ADAMTSL1: variants seen among roughly 807,000 people sequenced by gnomAD.
ADAMTSL1 encodes ADAMTS like 1.
A neutral mutation model predicts 201.8 loss-of-function variants in ADAMTSL1; 126 were observed. The observed-to-expected ratio is 0.62, with a 90% confidence interval of 0.54 to 0.72. The LOEUF is 0.72. Ranked by LOEUF, ADAMTSL1 falls within the 30% of genes least tolerant of loss-of-function variation. The pLI is 0.00. For synonymous variants in ADAMTSL1, 1,121 were observed against 903.4 expected (o/e 1.24, Z -4.32); for missense variants, 2,679 against 2,277.8 (o/e 1.18, Z -3.59).
chr9:18,245,294 T>G (rs975990048), intron 2 of ADAMTSL1, among the ~76,000 whole-genome samples: 24 of 152,312 alleles, frequency 1.6e-4, no homozygotes, highest in African/African-American at 5.8e-4. Context: ...TAAAATATTG[T>G]TTTGACGTTC....
chr9:18,770,913 C>T (rs978510745), intron 17 of ADAMTSL1, 132 bp downstream of exon 17: 4 of 1,003,410 alleles, frequency 4.0e-6, no homozygotes, highest in African/African-American at 3.3e-5. Context: ...TTTTTGTAAC[C>T]ATATATACCG....
intron 26 of ADAMTSL1, 147 bp downstream of exon 26, chr9:18,892,743 C>T (rs1359389663): frequency 1.9e-5 from 16 of 841,576 alleles, no homozygotes; most frequent in Non-Finnish European, 2.7e-5. Flanking sequence ...GGTTGTCCAG[C>T]TGAGACACCC....
Position 18,532,523 on chromosome 9 carries a change from A to G in ADAMTSL1, c.192-724A>G, listed in dbSNP as rs529028501. 2.6e-5 allele frequency among the ~76,000 whole-genome samples: 4 copies of G among 152,272 alleles called. 1 individual carries two copies. In the South Asian group the frequency reaches 6.2e-4, roughly 24 times the overall value. Reference sequence around the variant, plus strand: ...TACATCAGTTGATAGAATATTATGTAGCTCTCAAAATGGTGTTTTTAAAGT... The same window carrying G: ...TACATCAGTTGATAGAATATTATGTGGCTCTCAAAATGGTGTTTTTAAAGT... On this transcript the variant is annotated intron_variant, in intron 2 of 28. Transcript: ENST00000380548.
intron 1 of ADAMTSL1, among the ~76,000 whole-genome samples, chr9:18,093,348 A>G (rs974473307): frequency 6.6e-6 from 1 of 152,238 alleles, no homozygotes; most frequent in Non-Finnish European, 1.5e-5. Flanking sequence ...GTTGACTAGC[A>G]GATACCTAAT....
At chr9:18,064,889 T>C (rs1232542255) in intron 1 of ADAMTSL1, among the ~76,000 whole-genome samples, 2 of 151,150 alleles carry the variant, frequency 1.3e-5, no homozygotes, top group East Asian at 3.9e-4. Flanking sequence ...TAAAGTTTGG[T>C]TGTCTATTAT....
At chr9:18,593,996 T>G (rs1042609551) in intron 4 of ADAMTSL1, among the ~76,000 whole-genome samples, 84 of 152,258 alleles carry the variant, frequency 5.5e-4, no homozygotes, top group Admixed American at 7.8e-4. Context: ...TGTAGATGGT[T>G]TTGTTTGGTA....
chr9:18,244,863 G>A (rs1004566802), intron 2 of ADAMTSL1, among the ~76,000 whole-genome samples: 1 of 152,048 alleles, frequency 6.6e-6, no homozygotes, highest in Non-Finnish European at 1.5e-5. Flanking sequence ...CTCATTATGG[G>A]CAGGAACTAC....
chr9:18,072,413 A>C (rs1018708356), intron 1 of ADAMTSL1, among the ~76,000 whole-genome samples: 2 of 152,172 alleles, frequency 1.3e-5, no homozygotes, highest in African/African-American at 4.8e-5. Context: ...ATTTGCCTGC[A>C]TCTTGTAGAG....
chr9:18,754,134 C>A (rs1243536969), intron 16 of ADAMTSL1, among the ~76,000 whole-genome samples: 1 of 152,054 alleles, frequency 6.6e-6, no homozygotes, highest in African/African-American at 2.4e-5. Flanking sequence ...TTTTACGTAC[C>A]GTCTATGGCT....
At chr9:18,675,699 GGC>G (rs1180145984) in intron 9 of ADAMTSL1, among the ~76,000 whole-genome samples, 156 bp from the exon 10 acceptor site, 1 of 151,844 alleles carries the variant, frequency 6.6e-6, no homozygotes, top group Non-Finnish European at 1.5e-5. Flanking sequence ...AGCATATCCT[GGC>G]ATAAAGATAT....
At chr9:18,459,578 C>G (rs918211774) in intron 2 of ADAMTSL1, among the ~76,000 whole-genome samples, 6 of 152,050 alleles carry the variant, frequency 3.9e-5, no homozygotes, top group Non-Finnish European at 8.8e-5. Flanking sequence ...GCAAAAGAGC[C>G]CCATCATGAC....
At chr9:18,170,782 T>C (rs947678498) in intron 2 of ADAMTSL1, among the ~76,000 whole-genome samples, 8 of 152,088 alleles carry the variant, frequency 5.3e-5, no homozygotes, top group Non-Finnish European at 1.2e-4. Flanking sequence ...CTGGAGAGAA[T>C]GGATGTGTCA....
intron 1 of ADAMTSL1, among the ~76,000 whole-genome samples, chr9:18,500,270 G>A (rs1822764847): frequency 6.6e-6 from 1 of 152,242 alleles, no homozygotes; most frequent in Non-Finnish European, 1.5e-5. Context: ...ACCACGTTTA[G>A]ATAAGCCAGT....
intron 7 of ADAMTSL1, among the ~76,000 whole-genome samples, chr9:18,652,837 T>G (rs1038482270): frequency 1.3e-5 from 2 of 152,222 alleles, no homozygotes; most frequent in East Asian, 3.8e-4. Flanking sequence ...GTTTGGCCAA[T>G]GTGTAATCCC....
intron 2 of ADAMTSL1, among the ~76,000 whole-genome samples, chr9:18,224,758 G>T (rs1830383443): frequency 6.6e-6 from 1 of 152,062 alleles, no homozygotes; most frequent in African/African-American, 2.4e-5. Flanking sequence ...GGTGGGAGTA[G>T]AGGACAGGCA....
At chr9:18,494,910 A>G (rs753641118) in intron 1 of ADAMTSL1, among the ~76,000 whole-genome samples, 1 of 152,148 alleles carries the variant, frequency 6.6e-6, no homozygotes, top group Non-Finnish European at 1.5e-5. Flanking sequence ...TGAACAGTTG[A>G]GCTTTGTATT....
intron 1 of ADAMTSL1, among the ~76,000 whole-genome samples, chr9:17,990,441 A>T (rs1257520497): frequency 6.6e-6 from 1 of 152,088 alleles, no homozygotes; most frequent in Non-Finnish European, 1.5e-5. Context: ...TAACTAACTT[A>T]TGCTAAGACT....
intron 1 of ADAMTSL1, among the ~76,000 whole-genome samples, chr9:17,922,731 T>C (rs963365505): frequency 0.045 from 10 of 224 alleles, no homozygotes; most frequent in African/African-American, 0.067. Context: ...GCTCAGTGAT[T>C]TTTTTCCCAT....
Position 17,993,950 on chromosome 9 carries a change from T to TTTGAGAG in ADAMTSL1, c.87+87029_87+87035dup, listed in dbSNP as rs1223554664. 2.6e-5 allele frequency among the ~76,000 whole-genome samples: 4 copies of TTTGAGAG among 152,212 alleles called. No homozygotes were observed. In the East Asian group the frequency reaches 7.7e-4, roughly 29 times the overall value. ...TGGTTTTCTTTATCTTTGTCTATGT[T>TTTGAGAG]TTGAGAGACCAGAGAGGTCTCTGGA... On this transcript the variant is annotated intron_variant, in intron 1 of 29. Coordinates refer to the ADAMTSL1 transcript ENST00000680146.
Sources: gnomAD v4.1 joint callset for allele counts (sites outside exome capture counted in the v4.1 genomes callset) on GRCh38, gnomAD v4.1.1 for gene constraint, MANE v1.5 for transcripts, NCBI Gene and HGNC (gene_info 2026-07-23, HGNC 2026-07-21) for gene names.